Variants in CAMK1D observed in about 807,000 individuals in gnomAD.
The protein encoded by CAMK1D is calcium/calmodulin-dependent protein kinase type 1D.
CAMK1D carries 9 observed loss-of-function variants against 47.7 expected under a neutral mutation model. The ratio of observed to expected loss-of-function variants is 0.19; its 90% CI spans 0.11 to 0.33. CAMK1D has a LOEUF of 0.33. Among genes scored for constraint, CAMK1D ranks in the 10% least tolerant of loss-of-function variants. The pLI, the probability that CAMK1D is intolerant of heterozygous loss-of-function variation, is 1.00. For missense variants in CAMK1D, 291 were observed against 488.7 expected, an observed-to-expected ratio of 0.60 and a Z score of 3.81; for synonymous variants, 184 against 184.9, an observed-to-expected ratio of 0.99 and a Z score of 0.04.
intron 2 of CAMK1D, among the ~76,000 whole-genome samples, chr10:12,647,096 C>G (rs1341330589): frequency 6.7e-6 from 1 of 148,192 alleles, no homozygotes; most frequent in Non-Finnish European, 1.5e-5. Context: ...CCACCTCAGC[C>G]TCCCAAAGTG....
chr10:12,795,464 A>G (rs1016084176), intron 6 of CAMK1D, among the ~76,000 whole-genome samples: 2 of 152,128 alleles, frequency 1.3e-5, no homozygotes, highest in Admixed American at 6.5e-5. Context: ...AACAGGCAGC[A>G]TGCCAGGGAG....
rs1353671302 is a variant in CAMK1D at position 12,829,085 on chromosome 10, G to A, written c.*198G>A. On this transcript the variant is annotated 3_prime_UTR_variant, in exon 11 of 11. Coordinates refer to ENST00000619168, the MANE Select transcript of CAMK1D (RefSeq NM_153498.4). ...CATTTCTCACAAACTGTACTGACTC[G>A]AGGGGCGCTGATTTCATAGGATCTG... The A allele has an allele frequency of 1.3e-5, 7 of 531,374 alleles. No individual in the cohort carries two copies. In the Admixed American group the frequency reaches 1.5e-4, roughly 11 times the overall value. The allele number at this position is 531,374 out of a possible 1,614,324, so 32.9% of individuals were successfully genotyped here.
At chr10:12,565,252 T>C (rs921831761) in intron 2 of CAMK1D, among the ~76,000 whole-genome samples, 2 of 152,032 alleles carry the variant, frequency 1.3e-5, no homozygotes, top group Admixed American at 1.3e-4. Context: ...GTATTTTTAA[T>C]TTTTATTTTT....
intron 8 of CAMK1D, among the ~76,000 whole-genome samples, chr10:12,822,672 G>A (rs180981794): frequency 1.8e-4 from 28 of 152,342 alleles, no homozygotes; most frequent in African/African-American, 6.0e-4. Context: ...CTAAGAAAGA[G>A]CTGGCCGCTG....
intron 2 of CAMK1D, among the ~76,000 whole-genome samples, chr10:12,621,753 A>G (rs1456629230): frequency 6.6e-6 from 1 of 151,686 alleles, no homozygotes; most frequent in Non-Finnish European, 1.5e-5. Flanking sequence ...ACTTTTGCAA[A>G]TTGTTCTTGT....
At chr10:12,396,725 T>G (rs945287035) in intron 1 of CAMK1D, among the ~76,000 whole-genome samples, 3 of 152,212 alleles carry the variant, frequency 2.0e-5, no homozygotes, top group Admixed American at 6.5e-5. Context: ...GCCTCTGCCC[T>G]TCTCCCCGCA....
At chr10:12,456,986 CAG>C (rs1280126718) in intron 1 of CAMK1D, among the ~76,000 whole-genome samples, 1 of 152,044 alleles carries the variant, frequency 6.6e-6, no homozygotes, top group Non-Finnish European at 1.5e-5. Flanking sequence ...TTTGTGACAC[CAG>C]AGTGTTGGAA....
chr10:12,375,683 A>G (rs1416183303), intron 1 of CAMK1D, among the ~76,000 whole-genome samples: 3 of 152,148 alleles, frequency 2.0e-5, no homozygotes, highest in Non-Finnish European at 4.4e-5. Context: ...GTCCTAGGGT[A>G]TCCTGCTGAA....
chr10:12,443,061 A>G (rs1363355581), intron 1 of CAMK1D, among the ~76,000 whole-genome samples: 1 of 152,138 alleles, frequency 6.6e-6, no homozygotes, highest in Non-Finnish European at 1.5e-5. Flanking sequence ...TTCCATCTAC[A>G]TATGAACTCA....
intron 2 of CAMK1D, among the ~76,000 whole-genome samples, chr10:12,595,913 A>G (rs1406280821): frequency 1.3e-5 from 2 of 152,160 alleles, no homozygotes; most frequent in Non-Finnish European, 2.9e-5. Context: ...TACTATGAGT[A>G]GCAGCTTCTG....
chr10:12,615,725 T>G (rs1838775139), intron 2 of CAMK1D, among the ~76,000 whole-genome samples: 1 of 151,450 alleles, frequency 6.6e-6, no homozygotes, highest in Non-Finnish European at 1.5e-5. Context: ...TAGGTGTGAG[T>G]GTGCATGTGT....
At chr10:12,763,447 G>C (rs1836597777) in intron 4 of CAMK1D, among the ~76,000 whole-genome samples, 1 of 152,174 alleles carries the variant, frequency 6.6e-6, no homozygotes, top group African/African-American at 2.4e-5. Flanking sequence ...ATTAGAGACA[G>C]TTGCTCTTTT....
intron 1 of CAMK1D, among the ~76,000 whole-genome samples, chr10:12,390,134 G>A (rs770374025): frequency 1.3e-5 from 2 of 152,146 alleles, no homozygotes; most frequent in Non-Finnish European, 2.9e-5. Context: ...TAAAGCGCTT[G>A]TACTGCACGG....
chr10:12,614,901 G>T (rs918743971), intron 2 of CAMK1D, among the ~76,000 whole-genome samples: 2 of 152,148 alleles, frequency 1.3e-5, no homozygotes, highest in Non-Finnish European at 2.9e-5. Context: ...GCCCCAAGTC[G>T]CCATCCTTAG....
At chr10:12,802,254 C>T (rs534942715) in intron 6 of CAMK1D, among the ~76,000 whole-genome samples, 1 of 152,320 alleles carries the variant, frequency 6.6e-6, no homozygotes, top group African/African-American at 2.4e-5. Context: ...GCCAGCCTCA[C>T]AGAGCCCTGC....
intron 2 of CAMK1D, among the ~76,000 whole-genome samples, chr10:12,652,815 G>C (rs1840015674): frequency 6.6e-6 from 1 of 152,138 alleles, no homozygotes; most frequent in Admixed American, 6.5e-5. Context: ...CTGCAATTTG[G>C]AGAGGTGGAT....
intron 3 of CAMK1D, among the ~76,000 whole-genome samples, chr10:12,683,427 A>G (rs1214540085): frequency 6.6e-6 from 1 of 152,124 alleles, no homozygotes; most frequent in African/African-American, 2.4e-5. Flanking sequence ...ATAAAAACCA[A>G]TTTATCAATT....
chr10:12,630,781 C>T (rs1321504877), intron 2 of CAMK1D, among the ~76,000 whole-genome samples: 1 of 152,052 alleles, frequency 6.6e-6, no homozygotes, highest in African/African-American at 2.4e-5. Context: ...TCCTCCGTAC[C>T]TCCCTTCTTT....
chr10:12,436,707 T>G (rs1029635645), intron 1 of CAMK1D, among the ~76,000 whole-genome samples: 1 of 152,302 alleles, frequency 6.6e-6, no homozygotes, highest in Admixed American at 6.5e-5. Flanking sequence ...GTGGGCATGC[T>G]GGCATGAGGA....
Sources: gnomAD v4.1 joint callset for allele counts (sites outside exome capture counted in the v4.1 genomes callset) on GRCh38, gnomAD v4.1.1 for gene constraint, MANE v1.5 for transcripts, NCBI Gene and HGNC (gene_info 2026-07-23, HGNC 2026-07-21) for gene names.